The following GPC5 variants were observed in gnomAD, a reference collection of about 807,000 sequenced individuals.
GPC5 encodes the protein glypican-5.
A neutral mutation model predicts 53.9 loss-of-function variants in GPC5; 47 were observed. That is an observed-to-expected ratio of 0.87 (90% confidence interval 0.69 to 1.11). The LOEUF (loss-of-function observed/expected upper bound fraction) is 1.11. Ranked by LOEUF, GPC5 falls within the 50% of genes most tolerant of loss-of-function variation. The probability of loss-of-function intolerance (pLI) is 0.00; values close to 1 mark genes in which losing one functional copy is unlikely to be tolerated. For missense variants in GPC5, 748 were observed against 713.1 expected, an observed-to-expected ratio of 1.05 and a Z score of -0.56; for synonymous variants, 286 against 263.3, an observed-to-expected ratio of 1.09 and a Z score of -0.84.
At position 91,814,531 on chromosome 13, in the gene GPC5, T is replaced by G. The variant is rs1410317745; in HGVS notation, c.1280+58111T>G. Among the ~76,000 whole-genome samples the G allele has an allele frequency of 7.9e-5, 12 of 151,928 alleles. 2 individuals carry two copies. The Middle Eastern group carries it at 0.027, about 345-fold the overall frequency. On this transcript the variant is annotated intron_variant, in intron 5 of 7. Coordinates refer to ENST00000377067, the MANE Select transcript of GPC5 (RefSeq NM_004466.6). ...GATCATATGTATTCTGCAACTTTAT[T>G]TATTTATTTATTTATTTATTTATTT... is the stretch of plus-strand genomic sequence containing the variant.
intron 6 of GPC5, among the ~76,000 whole-genome samples, chr13:92,115,392 G>A (rs1341530881): frequency 6.6e-6 from 1 of 152,156 alleles, no homozygotes; most frequent in Non-Finnish European, 1.5e-5. Context: ...TATAGTCTCA[G>A]CTACTGGGAA....
intron 2 of GPC5, among the ~76,000 whole-genome samples, chr13:91,583,893 T>C (rs896617929): frequency 1.3e-5 from 2 of 152,196 alleles, no homozygotes; most frequent in Non-Finnish European, 2.9e-5. Context: ...TTATATTATT[T>C]ATGTCATCTT....
intron 7 of GPC5, among the ~76,000 whole-genome samples, chr13:92,348,360 G>GATATATCC: frequency 6.6e-6 from 1 of 151,814 alleles, no homozygotes; most frequent in East Asian, 1.9e-4. Context: ...TAATAAAGGG[G>GATATATCC]TCAATTTATC....
At chr13:92,206,118 T>C (rs2042333350) in intron 7 of GPC5, among the ~76,000 whole-genome samples, 1 of 150,442 alleles carries the variant, frequency 6.6e-6, no homozygotes, top group Non-Finnish European at 1.5e-5. Context: ...TTTGTTGTTG[T>C]TATTGTTGTT....
chr13:91,571,492 A>T (rs1296425919), intron 2 of GPC5, among the ~76,000 whole-genome samples: 1 of 151,938 alleles, frequency 6.6e-6, no homozygotes, highest in Non-Finnish European at 1.5e-5. Flanking sequence ...TTATGTGTAA[A>T]AATATATATT....
At chr13:92,253,407 T>C (rs1355409425) in intron 7 of GPC5, among the ~76,000 whole-genome samples, 1 of 142,592 alleles carries the variant, frequency 7.0e-6, no homozygotes. Context: ...ATTTAAGTGG[T>C]TTATAGGTAG....
At chr13:92,613,607 T>G (rs1436962172) in intron 7 of GPC5, among the ~76,000 whole-genome samples, 3 of 121,306 alleles carry the variant, frequency 2.5e-5, no homozygotes, top group Non-Finnish European at 3.4e-5. Flanking sequence ...TTATTATATT[T>G]ATTTTATTAT....
chr13:91,732,933 T>A (rs2036733297), intron 4 of GPC5, among the ~76,000 whole-genome samples: 1 of 152,194 alleles, frequency 6.6e-6, no homozygotes, highest in Admixed American at 6.5e-5. Context: ...AGCCTTGTAC[T>A]ATAGTTTGAG....
At chr13:92,070,472 C>G in intron 6 of GPC5, among the ~76,000 whole-genome samples, 1 of 152,192 alleles carries the variant, frequency 6.6e-6, no homozygotes. Context: ...CTCAAATGTT[C>G]TATTAAATGA....
chr13:92,295,254 T>C (rs1482176465), intron 7 of GPC5, among the ~76,000 whole-genome samples: 1 of 152,194 alleles, frequency 6.6e-6, no homozygotes, highest in Non-Finnish European at 1.5e-5. Flanking sequence ...TTTAAATTTC[T>C]ATCCTGATTT....
At chr13:91,402,691 CTTG>C (rs1206917846) in intron 1 of GPC5, among the ~76,000 whole-genome samples, 7 of 151,182 alleles carry the variant, frequency 4.6e-5, no homozygotes, top group African/African-American at 7.4e-5. Flanking sequence ...AAAATATGTT[CTTG>C]TTGTCATTAT....
chr13:91,707,270 A>G (rs2036126194), intron 3 of GPC5, among the ~76,000 whole-genome samples: 1 of 152,192 alleles, frequency 6.6e-6, no homozygotes, highest in African/African-American at 2.4e-5. Context: ...TGGCATATAA[A>G]TCAAAACCAC....
chr13:91,589,951 G>A (rs1385534706), intron 2 of GPC5, among the ~76,000 whole-genome samples: 1 of 151,738 alleles, frequency 6.6e-6, no homozygotes, highest in Non-Finnish European at 1.5e-5. Context: ...GTGTAACCTT[G>A]GAGTTTGATA....
In GPC5 at chr13:91,791,005, C is replaced by T. The variant is rs538178431; in HGVS notation, c.1280+34585C>T. ...TTATAAATTTTAGAAAAGAGTGATG[C>T]TCCTTTAGCCAGACTTTTAACAGAG... On this transcript the variant is annotated intron_variant, in intron 5 of 7. Coordinates refer to ENST00000377067, the MANE Select transcript of GPC5 (RefSeq NM_004466.6). 2.0e-5 allele frequency among the ~76,000 whole-genome samples: 3 copies of T among 152,264 alleles called. No homozygotes were observed. In the East Asian group the frequency reaches 5.8e-4, roughly 29 times the overall value.
At chr13:92,839,989 G>A (rs1019129130) in intron 7 of GPC5, among the ~76,000 whole-genome samples, 2 of 149,678 alleles carry the variant, frequency 1.3e-5, no homozygotes, top group East Asian at 2.0e-4. Context: ...ATAAGAATTG[G>A]TTGATTGTGG....
At chr13:92,527,172 GAGAAAGAAAGAAGAAAGAAAGAAAGA>G (rs1881344060) in intron 7 of GPC5, among the ~76,000 whole-genome samples, 1 of 60,868 alleles carries the variant, frequency 1.6e-5, no homozygotes, top group African/African-American at 6.1e-5. Flanking sequence ...AAGAAAGAAA[GAGAAAGAAAGAAGAAAGAAAGAAAGA>G]AAGAAAGAAA....
intron 2 of GPC5, among the ~76,000 whole-genome samples, chr13:91,571,997 G>A (rs1354845545): frequency 1.4e-5 from 2 of 143,366 alleles, no homozygotes; most frequent in Non-Finnish European, 3.1e-5. Context: ...ATGTGTATAT[G>A]TGTATATATG....
intron 2 of GPC5, among the ~76,000 whole-genome samples, chr13:91,504,491 AAAT>A (rs1884831173): frequency 6.6e-6 from 1 of 152,170 alleles, no homozygotes; most frequent in South Asian, 2.1e-4. Flanking sequence ...AAATTATTAG[AAAT>A]AATAAAGAAT....
In GPC5 at chr13:92,206,412, G is replaced by A. The variant is rs545136423; in HGVS notation, c.1561+61423G>A. Among the ~76,000 whole-genome samples, 261 of 151,362 alleles carry A rather than the reference G, an allele frequency of 1.7e-3. 2 individuals carry two copies. Among genetic ancestry groups the A allele is most frequent in the Middle Eastern group, 0.017 (5 of 292 alleles). ...GATCTCCTGACCTCGTGATCCACCC[G>A]CTTCGGCCTCCCAAAGTGCTGGGAG... is the stretch of plus-strand genomic sequence containing the variant. On this transcript the variant is annotated intron_variant, in intron 7 of 7. Coordinates refer to ENST00000377067, the MANE Select transcript of GPC5 (RefSeq NM_004466.6).
Sources: gnomAD v4.1 joint callset for allele counts (sites outside exome capture counted in the v4.1 genomes callset) on GRCh38, gnomAD v4.1.1 for gene constraint, MANE v1.5 for transcripts, NCBI Gene and HGNC (gene_info 2026-07-23, HGNC 2026-07-21) for gene names.